Variants in UBR2 observed in about 807,000 individuals in gnomAD.
The protein encoded by UBR2 is E3 ubiquitin-protein ligase UBR2.
In UBR2, 92 loss-of-function variants were observed where a neutral mutation model predicts 247.9. The observed-to-expected ratio is 0.37, with a 90% CI of 0.31 to 0.44. The LOEUF (loss-of-function observed/expected upper bound fraction) is 0.44, where lower values mean the gene tolerates loss of function less well. UBR2 is among the 20% of genes least tolerant of loss of function. The pLI is 1.00. For synonymous variants in UBR2, 672 were observed against 693.5 expected, an observed-to-expected ratio of 0.97 and a Z score of 0.49; for missense variants, 1,613 against 2,112.6, an observed-to-expected ratio of 0.76 and a Z score of 4.64.
At chr6:42,574,832 A>T (rs1791397890) in intron 2 of UBR2, among the ~76,000 whole-genome samples, 1 of 151,700 alleles carries the variant, frequency 6.6e-6, no homozygotes, top group Admixed American at 6.6e-5. Context: ...ACTGGCTGGG[A>T]TTACAGGCTT....
chr6:42,626,474 G>A (rs1339298188), intron 11 of UBR2, among the ~76,000 whole-genome samples: 5 of 152,150 alleles, frequency 3.3e-5, no homozygotes, highest in Non-Finnish European at 7.3e-5. Context: ...GGCTTCTCTT[G>A]TGTCTGCTGT....
intron 18 of UBR2, 107 bp downstream of exon 18, chr6:42,642,588 C>A: frequency 1.1e-6 from 1 of 873,012 alleles, no homozygotes; most frequent in Non-Finnish European, 1.8e-6. Flanking sequence ...ACAACTCCAG[C>A]CTAGCCCTGT....
intron 23 of UBR2, among the ~76,000 whole-genome samples, chr6:42,651,507 A>T (rs114410652): frequency 0.02 from 3,073 of 150,518 alleles, 95 homozygotes; most frequent in African/African-American, 0.07. Context: ...TTTATTTTTT[A>T]TTTTTTTTGA....
chr6:42,635,910 T>G (rs1442940554), intron 14 of UBR2, among the ~76,000 whole-genome samples: 1 of 152,208 alleles, frequency 6.6e-6, no homozygotes, highest in African/African-American at 2.4e-5. Flanking sequence ...ATTTTGGCCT[T>G]CCTTTGGCGA....
chr6:42,678,793 G>C, intron 41 of UBR2, 124 bp downstream of exon 41: 1 of 1,065,588 alleles, frequency 9.4e-7, no homozygotes, highest in South Asian at 1.7e-5. Context: ...TGACTATGGT[G>C]ATGTACACAT....
rs1799735639 is a variant in UBR2, at chr6:42,691,228, TAAGA to T, written c.*65_*68del. ...GATTTTTTTAACCCAGTTGGCTTTTTAAGAAAGAAAGAAGTTCTGCTGAATTTGG... is the reference window on the plus strand; with the variant it reads ...GATTTTTTTAACCCAGTTGGCTTTTTAAGAAAGAAGTTCTGCTGAATTTGG... On this transcript the variant is annotated 3_prime_UTR_variant, in exon 47 of 47. Transcript: ENST00000372901. The T allele has an allele frequency of 6.9e-6, 11 of 1,586,104 alleles. No homozygotes were observed. Among genetic ancestry groups the T allele is most frequent in the South Asian group, 2.3e-5 (2 of 85,596 alleles).
intron 30 of UBR2, among the ~76,000 whole-genome samples, chr6:42,660,834 G>A (rs1797752816): frequency 6.6e-6 from 1 of 151,678 alleles, no homozygotes; most frequent in East Asian, 1.9e-4. Flanking sequence ...AAATTTGGTG[G>A]CACGCGCCTG....
chr6:42,653,898 G>T (rs549060423), intron 25 of UBR2, among the ~76,000 whole-genome samples: 1 of 152,050 alleles, frequency 6.6e-6, no homozygotes, highest in African/African-American at 2.4e-5. Flanking sequence ...ATTACAAGGC[G>T]TGAGCCACCG....
Position 42,564,408 on chromosome 6 carries a change from G to C in UBR2, c.78+11G>C. 6.2e-7 allele frequency: 1 copy of C among 1,606,478 alleles called. No homozygotes were observed. The highest frequency in any genetic ancestry group is 8.5e-7 in the Non-Finnish European group (1 of 1,176,926). On this transcript the variant is annotated intron_variant, in intron 1 of 46. Transcript: ENST00000372901. ...GAGGAGATTGCGGGGGTGAGTGCCG[G>C]AACCCGGGCGGGTGCGTCTGCCCCT...
rs1242212108 is a variant in UBR2, at chr6:42,691,091, A to G, written c.5186A>G (p.His1729Arg). The change falls in exon 47 of 47, where the codon CAC becomes CGC. Residue 1729 changes from histidine (H) to arginine (R), a missense_variant. Transcript: ENST00000372901. Reference protein sequence around the residue: ...ERFKKIQKLWHQHSVTEEIGH... With the variant: ...ERFKKIQKLWRQHSVTEEIGH... ...TTCAAGAAGATTCAGAAGCTCTGGC[A>G]CCAACACAGTGTCACAGAGGAAATT... 5 of 1,614,232 alleles carry G rather than the reference A, an allele frequency of 3.1e-6. No individual in the cohort carries two copies. In the South Asian group the frequency reaches 4.4e-5, roughly 14 times the overall value.
chr6:42,670,146 C>G lies in UBR2; in HGVS notation c.3936C>G (p.Thr1312=), dbSNP rs1798346510. 1.2e-6 allele frequency: 2 copies of G among 1,614,020 alleles called. No homozygotes were observed. Among genetic ancestry groups the G allele is most frequent in the Admixed American group, 1.7e-5 (1 of 59,992 alleles). ...TGCTAACGACATTTGGAACTGCTAC[C>G]TACAAGGTGGGACTAAAGGTTCATC... is the stretch of plus-strand genomic sequence containing the variant. ...KEMLTTFGTA[T]YKVGLKVHPN... The change falls in exon 35 of 47, where the codon ACC becomes ACG. Residue 1312 remains threonine, a synonymous_variant. Coordinates refer to ENST00000372901, the MANE Select transcript of UBR2 (RefSeq NM_001363705.2).
intron 22 of UBR2, among the ~76,000 whole-genome samples, chr6:42,649,509 C>T (rs540815574): frequency 6.6e-6 from 1 of 152,134 alleles, no homozygotes; most frequent in Non-Finnish European, 1.5e-5. Context: ...TTGGTACATA[C>T]CTCCTAATTG....
rs1366278033 is a variant in UBR2, at chr6:42,692,080, GCTT to G, written c.*911_*913del. 2.6e-5 allele frequency: 4 copies of G among 151,950 alleles called. No homozygotes were observed. The East Asian group carries it at 7.7e-4, about 29-fold the overall frequency. The allele number at this position is 151,950 out of a possible 1,614,324, so 9.4% of individuals were successfully genotyped here. ...CCAGTTTCTTGAGCTTTTAAGGTAA[GCTT>G]CTTTTGGCTTTTTTTCAGATGTTCA... On this transcript the variant is annotated 3_prime_UTR_variant, in exon 47 of 47. Transcript: ENST00000372901.
intron 1 of UBR2, among the ~76,000 whole-genome samples, chr6:42,571,891 G>A (rs1035787792): frequency 1.3e-4 from 20 of 151,870 alleles, no homozygotes; most frequent in Non-Finnish European, 2.2e-4. Context: ...TATGCTTGTT[G>A]AGGACTCTTT....
At chr6:42,610,837 AT>A (rs1226795443) in intron 7 of UBR2, among the ~76,000 whole-genome samples, 2 of 151,008 alleles carry the variant, frequency 1.3e-5, no homozygotes, top group Admixed American at 1.3e-4. Context: ...AAAGTTTTAT[AT>A]GTATTTTACC....
At chr6:42,611,914 GAA>G (rs35743763) in intron 7 of UBR2, among the ~76,000 whole-genome samples, 2,672 of 119,490 alleles carry the variant, frequency 0.022, 65 homozygotes, top group African/African-American at 0.078. Flanking sequence ...CTCAAAAAAA[GAA>G]AAAAAAAAAA....
intron 26 of UBR2, among the ~76,000 whole-genome samples, chr6:42,657,745 T>A (rs1252843183): frequency 6.6e-6 from 1 of 152,248 alleles, no homozygotes; most frequent in Non-Finnish European, 1.5e-5. Flanking sequence ...TATTTTTAGC[T>A]GAATTTGTAT....
chr6:42,620,481 G>GTTTTTTTTTTTTTTT (rs796314344), intron 11 of UBR2: 2 of 66,678 alleles, frequency 3.0e-5, no homozygotes, highest in African/African-American at 7.4e-5. Context: ...ATTAAGTGTT[G>GTTTTTTTTTTTTTTT]TTTTTTTTTT....
rs775801862 is a variant in UBR2, at chr6:42,666,205, T to C, written c.3841T>C (p.Leu1281=). ...AAAGAATTCAGAAAATGTGGATGAA[T>C]TACAGCTCCCTGAAGGGTTCAGGCC... ...STKNSENVDE[L]QLPEGFRPDF... is the part of the protein sequence containing the mutation. Residue 1281 remains leucine (L), a synonymous_variant, in exon 34 of 47, where the codon TTA becomes CTA. Coordinates refer to ENST00000372901, the MANE Select transcript of UBR2 (RefSeq NM_001363705.2). 1.9e-6 allele frequency: 3 copies of C among 1,612,972 alleles called. No homozygotes were observed. The highest frequency in any genetic ancestry group is 4.5e-5 in the East Asian group (2 of 44,856).
Sources: gnomAD v4.1 joint callset for allele counts (sites outside exome capture counted in the v4.1 genomes callset) on GRCh38, gnomAD v4.1.1 for gene constraint, MANE v1.5 for transcripts, NCBI Gene and HGNC (gene_info 2026-07-23, HGNC 2026-07-21) for gene names.